The following TRAPPC9 variants were observed in gnomAD, a reference collection of about 807,000 sequenced individuals.
The protein encoded by TRAPPC9 is IKK2 binding protein.
A neutral mutation model predicts 124.0 loss-of-function variants in TRAPPC9; 83 were observed. That is an observed-to-expected ratio of 0.67 (90% CI 0.56 to 0.80). The LOEUF is 0.80. Among genes scored for constraint, TRAPPC9 ranks in the 30% least tolerant of loss-of-function variants. TRAPPC9 has a pLI of 0.00. For synonymous variants in TRAPPC9, 638 were observed against 617.5 expected (o/e 1.03, Z -0.49); for missense variants, 1,302 against 1,508.3 (o/e 0.86, Z 2.27).
Position 139,731,370 on chromosome 8 carries a change from A to G in TRAPPC9, c.3280-142T>C. ...CAGGCCTGGCTCCAGTGCCCCCTCC[A>G]GCAGGTCACTGCGCCTCTCCGAGCC... is the stretch of plus-strand genomic sequence containing the variant. On this transcript the variant is annotated intron_variant, in intron 22 of 22. Coordinates refer to ENST00000438773, the MANE Select transcript of TRAPPC9 (RefSeq NM_001160372.4). The G allele has an allele frequency of 3.3e-6, 3 of 907,300 alleles. No individual in the cohort carries two copies. The South Asian group carries it at 4.3e-5, about 13-fold the overall frequency. The allele number at this position is 907,300 out of a possible 1,614,324, so 56.2% of individuals were successfully genotyped here.
intron 8 of TRAPPC9, among the ~76,000 whole-genome samples, chr8:140,368,866 A>G (rs1254761358): frequency 6.6e-6 from 1 of 152,182 alleles, no homozygotes; most frequent in Non-Finnish European, 1.5e-5. Flanking sequence ...TGGGCAACAC[A>G]GCGAGACCTC....
chr8:140,329,421 G>A (rs72690697), intron 9 of TRAPPC9, among the ~76,000 whole-genome samples: 3,638 of 152,270 alleles, frequency 0.024, 73 homozygotes, highest in Non-Finnish European at 0.037. Context: ...GCGATGGCTC[G>A]TCTCCTAGGG....
At chr8:140,262,217 C>T (rs1488712334) in intron 15 of TRAPPC9, among the ~76,000 whole-genome samples, 1 of 67,616 alleles carries the variant, frequency 1.5e-5, no homozygotes, top group African/African-American at 1.2e-4. Context: ...AAGAAGTGCA[C>T]TTTTTTCCTC....
At chr8:140,099,897 A>C (rs1168022173) in intron 17 of TRAPPC9, 1 of 150,622 alleles carries the variant, frequency 6.6e-6, no homozygotes, top group Non-Finnish European at 1.5e-5. Context: ...CACAATCCTC[A>C]GGGTACTGAC....
At chr8:140,048,329 A>G (rs1841754184) in intron 17 of TRAPPC9, among the ~76,000 whole-genome samples, 1 of 152,182 alleles carries the variant, frequency 6.6e-6, no homozygotes, top group African/African-American at 2.4e-5. Flanking sequence ...ACAGGGTAAC[A>G]CTCAGATGGC....
intron 5 of TRAPPC9, among the ~76,000 whole-genome samples, chr8:140,425,589 T>A (rs1486173929): frequency 3.9e-5 from 6 of 152,128 alleles, no homozygotes; most frequent in African/African-American, 1.5e-4. Flanking sequence ...TGTACACATC[T>A]AATTCTCCTA....
intron 20 of TRAPPC9, among the ~76,000 whole-genome samples, chr8:139,892,315 G>A (rs758323566): frequency 1.3e-5 from 2 of 152,186 alleles, no homozygotes; most frequent in South Asian, 2.1e-4. Context: ...TCAGGGTAGA[G>A]GGAGGGGAGC....
Position 140,122,206 on chromosome 8 carries a change from T to G in TRAPPC9, c.2557-98127A>C, listed in dbSNP as rs115902544. Among the ~76,000 whole-genome samples the G allele has an allele frequency of 6.1e-3, 933 of 152,272 alleles. 7 individuals carry two copies. The highest frequency in any genetic ancestry group is 0.02 in the African/African-American group (825 of 41,560). Reference sequence around the variant, plus strand: ...AGCTAGAAACCAAAGCTCTCACTCCTATGACTACAAATAACTGAATTCCAC... The same window carrying G: ...AGCTAGAAACCAAAGCTCTCACTCCGATGACTACAAATAACTGAATTCCAC... On this transcript the variant is annotated intron_variant, in intron 17 of 22. Transcript: ENST00000438773.
At chr8:139,888,769 T>C (rs1340704876) in intron 20 of TRAPPC9, among the ~76,000 whole-genome samples, 2 of 152,206 alleles carry the variant, frequency 1.3e-5, no homozygotes, top group Non-Finnish European at 2.9e-5. Flanking sequence ...CAATGAACTT[T>C]TAATTATCTC....
At chr8:139,954,852 G>A (rs1018344831) in intron 19 of TRAPPC9, among the ~76,000 whole-genome samples, 2 of 151,402 alleles carry the variant, frequency 1.3e-5, no homozygotes, top group African/African-American at 4.9e-5. Flanking sequence ...GTATACACAG[G>A]CATGTTAAAA....
intron 17 of TRAPPC9, among the ~76,000 whole-genome samples, chr8:140,072,581 G>C (rs1843236408): frequency 2.5e-5 from 1 of 39,266 alleles, no homozygotes; most frequent in African/African-American, 9.3e-5. Flanking sequence ...GGAAGGAGGA[G>C]GAGGAGAAGG....
At position 139,791,949 on chromosome 8, in the gene TRAPPC9, C is replaced by T. The variant is rs111925844; in HGVS notation, c.3056-59747G>A. Among the ~76,000 whole-genome samples the T allele has an allele frequency of 5.8e-3, 885 of 152,302 alleles. 4 individuals are homozygous for T. Among genetic ancestry groups the T allele is most frequent in the Non-Finnish European group, 0.01 (685 of 68,026 alleles). On this transcript the variant is annotated intron_variant, in intron 21 of 22. Transcript: ENST00000438773. ...CTCGACAAGGATTCCACCATCACTG[C>T]GTGGTCAGGCTCCCAGGAGCTACTT... is the stretch of plus-strand genomic sequence containing the variant.
In TRAPPC9 at chr8:139,800,988, C is replaced by T. The variant is rs140832767; in HGVS notation, c.3056-68786G>A. 1.2e-4 allele frequency among the ~76,000 whole-genome samples: 18 copies of T among 148,200 alleles called. No homozygotes were observed. In the East Asian group the frequency reaches 3.7e-3, roughly 30 times the overall value. Reference sequence around the variant, plus strand: ...CTTCCCTCCCTCCGGCATCTTCCCCCGCTCTGGCACCTTCCCTCCCTCCGG... The same window carrying T: ...CTTCCCTCCCTCCGGCATCTTCCCCTGCTCTGGCACCTTCCCTCCCTCCGG... On this transcript the variant is annotated intron_variant, in intron 21 of 22. Transcript: ENST00000438773.
chr8:139,998,534 C>T (rs567963554), intron 18 of TRAPPC9, among the ~76,000 whole-genome samples: 45 of 152,150 alleles, frequency 3.0e-4, no homozygotes, highest in Admixed American at 7.9e-4. Flanking sequence ...CTGGCTAACA[C>T]GGTGAAACCC....
intron 18 of TRAPPC9, among the ~76,000 whole-genome samples, chr8:140,006,214 T>C (rs1838737836): frequency 6.6e-6 from 1 of 152,232 alleles, no homozygotes; most frequent in African/African-American, 2.4e-5. Context: ...GAAGGGTCTC[T>C]GAAGCTTTAC....
chr8:140,348,782 G>A (rs745447951), intron 9 of TRAPPC9, among the ~76,000 whole-genome samples: 1 of 152,126 alleles, frequency 6.6e-6, no homozygotes, highest in Non-Finnish European at 1.5e-5. Context: ...AAGCTGAAGT[G>A]TACATTTTAA....
In TRAPPC9 at chr8:140,382,496, C is replaced by G. The variant is rs1207196944; in HGVS notation, c.1135-11316G>C. The stretch of plus-strand genomic sequence containing the variant: ...AACGGCACACCAGGAGATTATATCC[C>G]GCGCATGGCTGGGAGGGTCCCACGC... On this transcript the variant is annotated intron_variant, in intron 7 of 22. Coordinates refer to ENST00000438773, the MANE Select transcript of TRAPPC9 (RefSeq NM_001160372.4). Among the ~76,000 whole-genome samples the G allele has an allele frequency of 2.6e-5, 4 of 152,210 alleles. No homozygotes were observed. The East Asian group carries it at 7.7e-4, about 29-fold the overall frequency.
At chr8:140,349,077 A>G (rs2067439787) in intron 9 of TRAPPC9, among the ~76,000 whole-genome samples, 1 of 86,242 alleles carries the variant, frequency 1.2e-5, no homozygotes, top group African/African-American at 4.5e-5. Flanking sequence ...AGGGGGCTGA[A>G]GGGGGGCGTG....
intron 17 of TRAPPC9, among the ~76,000 whole-genome samples, chr8:140,133,117 GA>G (rs2061235216): frequency 6.6e-6 from 1 of 152,180 alleles, no homozygotes; most frequent in Non-Finnish European, 1.5e-5. Flanking sequence ...AAGAAAAGAG[GA>G]AAGCTACCAG....
Sources: gnomAD v4.1 joint callset for allele counts (sites outside exome capture counted in the v4.1 genomes callset) on GRCh38, gnomAD v4.1.1 for gene constraint, MANE v1.5 for transcripts, NCBI Gene and HGNC (gene_info 2026-07-23, HGNC 2026-07-21) for gene names.